The following EIF4G3 variants were observed in gnomAD, a reference collection of about 807,000 sequenced individuals.
EIF4G3 encodes the protein eukaryotic translation initiation factor 4 gamma 3, also known as eIF-4-gamma 3.
In EIF4G3, 34 loss-of-function variants were observed where a neutral mutation model predicts 186.4. The observed-to-expected ratio is 0.18, with a 90% CI of 0.14 to 0.24. The LOEUF (loss-of-function observed/expected upper bound fraction) is 0.24, where lower values mean the gene tolerates loss of function less well. EIF4G3 is among the 10% of genes least tolerant of loss of function. EIF4G3 has a pLI of 1.00. For synonymous variants in EIF4G3, 673 were observed against 679.5 expected, an observed-to-expected ratio of 0.99 and a Z score of 0.15; for missense variants, 1,536 against 1,948.5, an observed-to-expected ratio of 0.79 and a Z score of 3.99.
chr1:20,877,779 ATCAGTAACTAT>A (rs1390037221), intron 20 of EIF4G3, among the ~76,000 whole-genome samples: 1 of 152,194 alleles, frequency 6.6e-6, no homozygotes, highest in Admixed American at 6.5e-5. Flanking sequence ...GCTTAAAGAG[ATCAGTAACTAT>A]TCTAAGGTCA....
At chr1:20,996,693 G>A (rs1477547630) in intron 7 of EIF4G3, among the ~76,000 whole-genome samples, 3 of 152,160 alleles carry the variant, frequency 2.0e-5, no homozygotes, top group Non-Finnish European at 4.4e-5. Flanking sequence ...CTTACTGACT[G>A]CTTGTTTTGT....
At chr1:20,997,473 G>C in intron 7 of EIF4G3, 128 bp downstream of exon 7, 1 of 931,406 alleles carries the variant, frequency 1.1e-6, no homozygotes, top group Non-Finnish European at 1.7e-6. Flanking sequence ...AATTATATCA[G>C]ATAAAAGCTA....
intron 2 of EIF4G3, chr1:21,167,997 G>C (rs764733425): frequency 3.0e-5 from 14 of 469,258 alleles, no homozygotes; most frequent in South Asian, 2.2e-4. Context: ...GTAATGTGCA[G>C]TCATAACTTC....
At chr1:20,820,315 A>G (rs995306030) in intron 33 of EIF4G3, among the ~76,000 whole-genome samples, 2 of 152,050 alleles carry the variant, frequency 1.3e-5, no homozygotes, top group Admixed American at 6.6e-5. Flanking sequence ...GTGGGGTGGG[A>G]GCTCTGGGGT....
At chr1:21,163,983 A>G (rs2097809063) in intron 2 of EIF4G3, among the ~76,000 whole-genome samples, 1 of 152,112 alleles carries the variant, frequency 6.6e-6, no homozygotes, top group African/African-American at 2.4e-5. Context: ...CATGTCGGCC[A>G]GGCTGGTCTC....
chr1:21,046,055 C>T (rs571126188), intron 4 of EIF4G3, among the ~76,000 whole-genome samples: 4 of 152,254 alleles, frequency 2.6e-5, no homozygotes, highest in South Asian at 4.1e-4. Flanking sequence ...AGTCTCTTCT[C>T]CTGACTCCCT....
chr1:21,059,387 A>G (rs2154578350), intron 3 of EIF4G3, among the ~76,000 whole-genome samples: 1 of 152,290 alleles, frequency 6.6e-6, no homozygotes, highest in East Asian at 1.9e-4. Flanking sequence ...TTCTTCCTTC[A>G]GGTCATTTAT....
chr1:21,025,618 A>G (rs942507362), intron 4 of EIF4G3, among the ~76,000 whole-genome samples: 2 of 152,222 alleles, frequency 1.3e-5, no homozygotes, highest in African/African-American at 4.8e-5. Flanking sequence ...CATTGACTTC[A>G]CTTCACATAC....
chr1:20,983,369 G>T (rs770073672), intron 7 of EIF4G3, among the ~76,000 whole-genome samples: 1 of 152,086 alleles, frequency 6.6e-6, no homozygotes, highest in Non-Finnish European at 1.5e-5. Context: ...ACAACTACAG[G>T]AACCATCTTC....
chr1:21,032,701 A>T (rs1273463632), intron 4 of EIF4G3, among the ~76,000 whole-genome samples: 1 of 152,230 alleles, frequency 6.6e-6, no homozygotes, highest in Non-Finnish European at 1.5e-5. Context: ...ACTAACAAAA[A>T]GCAATACCAA....
intron 12 of EIF4G3, among the ~76,000 whole-genome samples, chr1:20,951,520 C>T (rs2096218550): frequency 6.6e-6 from 1 of 151,964 alleles, no homozygotes. Context: ...GAAAAAAATG[C>T]CTTACTGAAA....
At chr1:21,123,444 G>A (rs1477041523) in intron 2 of EIF4G3, among the ~76,000 whole-genome samples, 2 of 151,430 alleles carry the variant, frequency 1.3e-5, no homozygotes, top group Non-Finnish European at 2.9e-5. Context: ...CGCACCTGTA[G>A]TCCCAGCTAC....
At chr1:21,004,858 G>A (rs185923958) in intron 4 of EIF4G3, among the ~76,000 whole-genome samples, 2 of 151,766 alleles carry the variant, frequency 1.3e-5, no homozygotes, top group African/African-American at 2.4e-5. Flanking sequence ...GAGGCTATCC[G>A]GCAATCTTTC....
In EIF4G3 at chr1:20,841,034, C is replaced by G. The variant is rs1406506309; in HGVS notation, c.3889-6G>C. 2 of 1,613,008 alleles carry G rather than the reference C, an allele frequency of 1.2e-6. No individual in the cohort carries two copies. The highest frequency in any genetic ancestry group is 1.7e-6 in the Non-Finnish European group (2 of 1,179,520). On this transcript the variant is annotated splice_region_variant and splice_polypyrimidine_tract_variant and intron_variant, in intron 29 of 36. Transcript: ENST00000602326. ...TCCACACACTGCATGGCTTCCTGTTCCAACAGCAAAGAAAGGTTTACTCCA... is the reference window on the plus strand; with the variant it reads ...TCCACACACTGCATGGCTTCCTGTTGCAACAGCAAAGAAAGGTTTACTCCA...
At chr1:20,949,358 T>C (rs1330442774) in intron 13 of EIF4G3, among the ~76,000 whole-genome samples, 12 of 152,198 alleles carry the variant, frequency 7.9e-5, no homozygotes, top group Admixed American at 7.9e-4. Flanking sequence ...GCAGAGACCT[T>C]AGTGTACTAT....
intron 4 of EIF4G3, among the ~76,000 whole-genome samples, chr1:21,047,537 T>C (rs11577479): frequency 0.024 from 3,706 of 152,220 alleles, 81 homozygotes; most frequent in Middle Eastern, 0.048. Context: ...CTAAAAACCA[T>C]TTACTTCCCC....
At chr1:21,089,044 G>T in intron 3 of EIF4G3, 94 bp downstream of exon 3, 1 of 649,844 alleles carries the variant, frequency 1.5e-6, no homozygotes. Flanking sequence ...CCAAAAATTT[G>T]TCATGTGTCA....
intron 5 of EIF4G3, among the ~76,000 whole-genome samples, chr1:21,002,239 T>C (rs2083702576): frequency 1.3e-5 from 2 of 152,238 alleles, no homozygotes; most frequent in African/African-American, 4.8e-5. Context: ...GTATATGTCA[T>C]GCATATACCC....
chr1:21,089,849 C>A (rs2096125698), intron 2 of EIF4G3, among the ~76,000 whole-genome samples: 1 of 152,088 alleles, frequency 6.6e-6, no homozygotes, highest in South Asian at 2.1e-4. Context: ...AAACTCTGTA[C>A]ACTACAACAT....
Sources: gnomAD v4.1 joint callset for allele counts (sites outside exome capture counted in the v4.1 genomes callset) on GRCh38, gnomAD v4.1.1 for gene constraint, MANE v1.5 for transcripts, NCBI Gene and HGNC (gene_info 2026-07-23, HGNC 2026-07-21) for gene names.